The following ACSS2 variants were observed in gnomAD, a reference collection of about 807,000 sequenced individuals.
The protein encoded by ACSS2 is acetyl-coenzyme A synthetase, cytoplasmic.
ACSS2 carries 58 observed loss-of-function variants against 90.6 expected under a neutral mutation model. The ratio of observed to expected loss-of-function variants is 0.64; its 90% CI spans 0.52 to 0.80. The LOEUF is 0.80. Ranked by LOEUF, ACSS2 falls within the 30% of genes least tolerant of loss-of-function variation. The pLI, the probability that ACSS2 is intolerant of heterozygous loss-of-function variation, is 0.00. For missense variants in ACSS2, 759 were observed against 912.0 expected (o/e 0.83, Z 2.16); for synonymous variants, 300 against 330.9 (o/e 0.91, Z 1.01).
At chr20:34,886,561 TTGCAG>T (rs1437593777) in intron 2 of ACSS2, among the ~76,000 whole-genome samples, 1 of 152,114 alleles carries the variant, frequency 6.6e-6, no homozygotes, top group Non-Finnish European at 1.5e-5. Flanking sequence ...GAGGCAGAGG[TTGCAG>T]TGAGCCAAGA....
intron 2 of ACSS2, among the ~76,000 whole-genome samples, chr20:34,899,582 C>G (rs1006820084): frequency 6.6e-6 from 1 of 151,524 alleles, no homozygotes; most frequent in African/African-American, 2.4e-5. Context: ...CTCCGCCTCC[C>G]GGGTTCAAGC....
At chr20:34,920,220 C>T (rs2081165572) in intron 8 of ACSS2, among the ~76,000 whole-genome samples, 1 of 152,058 alleles carries the variant, frequency 6.6e-6, no homozygotes, top group Non-Finnish European at 1.5e-5. Context: ...AGTGTGTGGG[C>T]ACAAATACAC....
intron 1 of ACSS2, among the ~76,000 whole-genome samples, chr20:34,879,514 C>T (rs1370061992): frequency 4.1e-5 from 5 of 123,400 alleles, no homozygotes; most frequent in Non-Finnish European, 8.3e-5. Flanking sequence ...CACACACACA[C>T]ACACACACAC....
intron 2 of ACSS2, among the ~76,000 whole-genome samples, chr20:34,909,194 CAAAAAAAAAAAA>C (rs759144830): frequency 4.4e-5 from 2 of 45,106 alleles, no homozygotes; most frequent in Non-Finnish European, 4.5e-5. Flanking sequence ...CCTGTCTTTG[CAAAAAAAAAAAA>C]AAAAAAAAAA....
intron 1 of ACSS2, among the ~76,000 whole-genome samples, chr20:34,879,006 G>C (rs951507684): frequency 1.4e-5 from 2 of 147,548 alleles, no homozygotes; most frequent in African/African-American, 5.0e-5. Flanking sequence ...CCGGGTTCAC[G>C]CCATTCTCCT....
rs796487112 is a variant in ACSS2, at chr20:34,877,843, A to T, written c.178+1020A>T. Among the ~76,000 whole-genome samples, 833 of 151,392 alleles carry T rather than the reference A, an allele frequency of 5.5e-3. 8 individuals are homozygous for T. Among genetic ancestry groups the T allele is most frequent in the South Asian group, 0.013 (60 of 4,790 alleles). On this transcript the variant is annotated intron_variant, in intron 1 of 17. Coordinates refer to ENST00000360596, the MANE Select transcript of ACSS2 (RefSeq NM_018677.4). The stretch of plus-strand genomic sequence containing the variant: ...CAAAAAAAAAAAAAAAAAAAAAAAA[A>T]AAAAAAGGTATAAGGAAAATCCCCC...
At position 34,886,827 on chromosome 20, in the gene ACSS2, G is replaced by A. The variant is rs780248368; in HGVS notation, c.374+3838G>A. On this transcript the variant is annotated intron_variant, in intron 2 of 17. Transcript: ENST00000360596. Reference sequence around the variant, plus strand: ...AAAAATGACATCTTTTCTGTGATTCGCTCCAATTGATATACTTCTTATAGA... The same window carrying A: ...AAAAATGACATCTTTTCTGTGATTCACTCCAATTGATATACTTCTTATAGA... Among the ~76,000 whole-genome samples the A allele has an allele frequency of 6.5e-4, 98 of 151,782 alleles. 1 individual carries two copies. Among genetic ancestry groups the A allele is most frequent in the Admixed American group, 6.4e-3 (98 of 15,246 alleles).
In ACSS2 at chr20:34,882,740, G is replaced by T. The variant is rs1180619262; in HGVS notation, c.179-54G>T. On this transcript the variant is annotated intron_variant, in intron 1 of 17. Transcript: ENST00000360596. ...GTGTATAGACTGGTAAGCCTTCTGA[G>T]GCTAAATATGTCTCAGAAGATTAAT... is the stretch of plus-strand genomic sequence containing the variant. The T allele has an allele frequency of 3.8e-6, 6 of 1,573,462 alleles. No individual in the cohort carries two copies. In the East Asian group the frequency reaches 1.3e-4, roughly 35 times the overall value.
At chr20:34,904,225 C>T (rs1200051354) in intron 2 of ACSS2, among the ~76,000 whole-genome samples, 7 of 149,666 alleles carry the variant, frequency 4.7e-5, no homozygotes, top group East Asian at 3.9e-4. Flanking sequence ...TGGAGAGGAG[C>T]GCAGGGAGTA....
chr20:34,876,710 C>T lies in ACSS2; in HGVS notation c.65C>T (p.Ala22Val). ...SGSRGQEEAG[A>V]GGRARSWSPP... ...AGCCGGGGCCAGGAGGAAGCTGGAG[C>T]CGGAGGCCGGGCGCGGAGTTGGTCT... The change falls in exon 1 of 18, where the codon GCC becomes GTC. Residue 22 changes from alanine (A) to valine (V), a missense_variant. Coordinates refer to ENST00000360596, the MANE Select transcript of ACSS2 (RefSeq NM_018677.4). The T allele has an allele frequency of 1.4e-6, 2 of 1,443,096 alleles. No homozygotes were observed. Among genetic ancestry groups the T allele is most frequent in the Non-Finnish European group, 9.2e-7 (1 of 1,090,152 alleles). 89.4% of individuals were successfully genotyped at this position (1,443,096 alleles called of 1,614,324 possible). A position where few individuals can be genotyped will look rare whatever the true frequency, so the allele number is the denominator to read the frequency against.
chr20:34,913,735 C>T lies in ACSS2; in HGVS notation c.571-18C>T. ...CTGGGGCTTTCTTCTCTCCCTCAGACTTTCTTCCCTTCCCTAGTTTGCAGG... is the reference window on the plus strand; with the variant it reads ...CTGGGGCTTTCTTCTCTCCCTCAGATTTTCTTCCCTTCCCTAGTTTGCAGG... On this transcript the variant is annotated intron_variant, in intron 4 of 17. Coordinates refer to ENST00000360596, the MANE Select transcript of ACSS2 (RefSeq NM_018677.4). The T allele has an allele frequency of 6.2e-7, 1 of 1,612,702 alleles. No homozygotes were observed. The highest frequency in any genetic ancestry group is 8.5e-7 in the Non-Finnish European group (1 of 1,178,704).
Sources: gnomAD v4.1 joint callset for allele counts (sites outside exome capture counted in the v4.1 genomes callset) on GRCh38, gnomAD v4.1.1 for gene constraint, MANE v1.5 for transcripts, NCBI Gene and HGNC (gene_info 2026-07-23, HGNC 2026-07-21) for gene names.